Variants in ZRSR2 observed in about 807,000 individuals in gnomAD.
The protein encoded by ZRSR2 is zinc finger CCCH-type, RNA binding motif and serine/arginine rich 2.
Under a neutral mutation model 39.4 loss-of-function variants are expected in ZRSR2, and 3 were observed. That is an observed-to-expected ratio of 0.08 (90% CI 0.03 to 0.20). The LOEUF is 0.20. ZRSR2 is among the 10% of genes least tolerant of loss of function. The probability of loss-of-function intolerance (pLI) is 1.00; values close to 1 mark genes in which losing one functional copy is unlikely to be tolerated. For missense variants in ZRSR2, 256 were observed against 391.5 expected, an observed-to-expected ratio of 0.65 and a Z score of 2.92; for synonymous variants, 137 against 136.0, an observed-to-expected ratio of 1.01 and a Z score of -0.05.
At chrX:15,804,674 A>G (rs745500481) in intron 5 of ZRSR2, among the ~76,000 whole-genome samples, 1 of 112,345 alleles carries the variant, frequency 8.9e-6, no homozygotes, top group African/African-American at 3.2e-5. Flanking sequence ...TCTTTAGAGA[A>G]TAATACTTTG....
intron 7 of ZRSR2, 31 bp downstream of exon 7, chrX:15,809,349 G>GA: frequency 9.6e-7 from 1 of 1,045,853 alleles, no homozygotes; most frequent in Non-Finnish European, 1.3e-6. Flanking sequence ...ATGTCAGAAT[G>GA]AAGTGATTCA....
At position 15,790,976 on chromosome X, in the gene ZRSR2, G is replaced by A. The variant is rs776097997; in HGVS notation, c.84G>A (p.Lys28=). ...YRAALKKEKR[K]KRRQELARLR... is the part of the protein sequence containing the mutation. ...CCGCCCTGAAGAAGGAGAAACGAAA[G>A]AAACGTCGGCAGGAACTTGCTCGAC... Residue 28 remains lysine, a synonymous_variant, in exon 2 of 11, where the codon AAG becomes AAA. Coordinates refer to ENST00000307771, the MANE Select transcript of ZRSR2 (RefSeq NM_005089.4). 56 of 1,209,249 alleles carry A rather than the reference G, an allele frequency of 4.6e-5. No individual in the cohort carries two copies. The highest frequency in any genetic ancestry group is 2.3e-4 in the Middle Eastern group (1 of 4,373).
Position 15,823,107 on chromosome X carries a change from CAGCCGGAGCCGGAGCCGG to C in ZRSR2, c.1326_1343del (p.Ser443_Arg448del). Reference sequence around the variant, plus strand: ...GCAGGGACCGCAGCCGGGGCCGGGGCAGCCGGAGCCGGAGCCGGAGCCGGAGCCGCAGGAGCCGCCGCA... The same window carrying C: ...GCAGGGACCGCAGCCGGGGCCGGGGCAGCCGGAGCCGCAGGAGCCGCCGCA... On this transcript the variant is annotated inframe_deletion, in exon 11 of 11. Coordinates refer to ENST00000307771, the MANE Select transcript of ZRSR2 (RefSeq NM_005089.4). 2.5e-6 allele frequency: 3 copies of C among 1,205,873 alleles called. No homozygotes were observed. The highest frequency in any genetic ancestry group is 3.4e-6 in the Non-Finnish European group (3 of 892,464).
rs775131157 is a variant in ZRSR2 at position 15,815,785 on chromosome X, C to T, written c.666C>T (p.Asp222=). 13 of 1,211,047 alleles carry T rather than the reference C, an allele frequency of 1.1e-5. No homozygotes were observed. Among genetic ancestry groups the T allele is most frequent in the Admixed American group, 4.3e-5 (2 of 46,008 alleles). ...GCAGGAGGGATGACTATGACCCTGACGCAAGCCTGGAGTACAGCGAGGAAG... is the reference window on the plus strand; with the variant it reads ...GCAGGAGGGATGACTATGACCCTGATGCAAGCCTGGAGTACAGCGAGGAAG... ...EQCRRDDYDP[D]ASLEYSEEET... The change falls in exon 8 of 11, where the codon GAC becomes GAT. Residue 222 remains aspartate (D), a synonymous_variant. Transcript: ENST00000307771.
chrX:15,820,380 T>TG, intron 10 of ZRSR2, 64 bp downstream of exon 10: 1 of 1,039,944 alleles, frequency 9.6e-7, no homozygotes, highest in Non-Finnish European at 1.3e-6. Flanking sequence ...GGATATTCTT[T>TG]GGGGGAAACC....
At chrX:15,821,912 C>T (rs2238919) in intron 10 of ZRSR2, among the ~76,000 whole-genome samples, 24,537 of 110,240 alleles carry the variant, frequency 0.22, 2,036 homozygotes, top group East Asian at 0.37. Flanking sequence ...ATTAAAAGCA[C>T]TTAGTGAATT....
intron 2 of ZRSR2, among the ~76,000 whole-genome samples, chrX:15,797,046 G>C (rs1008350345): frequency 1.8e-5 from 2 of 108,554 alleles, no homozygotes; most frequent in Non-Finnish European, 3.8e-5. Context: ...CGTCCACCTC[G>C]GCCTCCGAAA....
intron 9 of ZRSR2, among the ~76,000 whole-genome samples, chrX:15,819,016 C>A (rs1315535418): frequency 9.1e-6 from 1 of 109,883 alleles, no homozygotes; most frequent in Non-Finnish European, 1.9e-5. Context: ...AGGTGATCCA[C>A]CCACCTCGGC....
In ZRSR2 at chrX:15,811,908, C is replaced by CT. The variant is rs202177259; in HGVS notation, c.557+2598dup. 3.2e-3 allele frequency among the ~76,000 whole-genome samples: 356 copies of CT among 111,595 alleles called. 1 individual carries two copies. The highest frequency in any genetic ancestry group is 0.011 in the African/African-American group (341 of 30,794). On this transcript the variant is annotated intron_variant, in intron 7 of 10. Transcript: ENST00000307771. ...TGGTCAAATTAGTTTGCGAGCATTT[C>CT]TTTTTTTTATTTTATTTTATTTTAT... is the stretch of plus-strand genomic sequence containing the variant.
chrX:15,792,672 A>G (rs986678374), intron 2 of ZRSR2, among the ~76,000 whole-genome samples: 2 of 112,087 alleles, frequency 1.8e-5, no homozygotes, highest in Non-Finnish European at 3.8e-5. Context: ...TGACCTTCAC[A>G]TGGCAAAACC....
intron 8 of ZRSR2, 100 bp downstream of exon 8, chrX:15,815,990 T>C (rs1424918884): frequency 7.8e-6 from 5 of 642,297 alleles, no homozygotes; most frequent in Non-Finnish European, 9.2e-6. Context: ...TCAGGCACGC[T>C]AGCACTCTAT....
rs1169615942 is a variant in ZRSR2, at chrX:15,812,807, T to C, written c.558-2870T>C. ...CTCCAGGTTTTTATTTCTCCATATT[T>C]GAATTCATCTCAAGCAGATAGTAAG... On this transcript the variant is annotated intron_variant, in intron 7 of 10. Coordinates refer to ENST00000307771, the MANE Select transcript of ZRSR2 (RefSeq NM_005089.4). Among the ~76,000 whole-genome samples the C allele has an allele frequency of 6.3e-5, 7 of 111,584 alleles. No homozygotes were observed. In the East Asian group the frequency reaches 1.7e-3, roughly 27 times the overall value.
intron 5 of ZRSR2, among the ~76,000 whole-genome samples, chrX:15,805,014 A>G (rs1346678039): frequency 8.9e-6 from 1 of 111,985 alleles, no homozygotes; most frequent in African/African-American, 3.2e-5. Context: ...ATCACAGCTC[A>G]TCTTCCCTTG....
intron 2 of ZRSR2, among the ~76,000 whole-genome samples, chrX:15,792,317 G>A (rs1021071052): frequency 1.8e-5 from 2 of 112,028 alleles, no homozygotes; most frequent in African/African-American, 6.5e-5. Context: ...AGCTACTCAG[G>A]AGGCTGAGGC....
At chrX:15,796,767 T>A (rs1424687760) in intron 2 of ZRSR2, among the ~76,000 whole-genome samples, 1 of 102,502 alleles carries the variant, frequency 9.8e-6, no homozygotes, top group African/African-American at 3.5e-5. Context: ...AAGTCAGAGA[T>A]CATTTTGTTT....
chrX:15,796,242 G>A (rs769526864), intron 2 of ZRSR2, among the ~76,000 whole-genome samples: 6 of 111,792 alleles, frequency 5.4e-5, no homozygotes, highest in African/African-American at 1.9e-4. Context: ...ATCGCTAGTC[G>A]CACTTTGTGT....
In ZRSR2 at chrX:15,803,782, CAAG is replaced by C. The variant is rs760370515; in HGVS notation, c.304_306del (p.Glu102del). ...AAAGGAAGAGGCGGCTAAAAAACGG[CAAG>C]AAGAACAAGAGGTATGGTAGGAATC... is the stretch of plus-strand genomic sequence containing the variant. On this transcript the variant is annotated inframe_deletion, in exon 4 of 11. Coordinates refer to ENST00000307771, the MANE Select transcript of ZRSR2 (RefSeq NM_005089.4). 20 of 1,187,059 alleles carry C rather than the reference CAAG, an allele frequency of 1.7e-5. No homozygotes were observed. The Admixed American group carries it at 3.3e-4, about 20-fold the overall frequency.
intron 8 of ZRSR2, among the ~76,000 whole-genome samples, chrX:15,816,538 C>G (rs775186113): frequency 9.8e-5 from 11 of 111,970 alleles, no homozygotes; most frequent in Non-Finnish European, 1.5e-4. Flanking sequence ...TCAGATGACA[C>G]ATAATTATTT....
At chrX:15,799,108 C>A (rs1295226877) in intron 2 of ZRSR2, among the ~76,000 whole-genome samples, 3 of 107,817 alleles carry the variant, frequency 2.8e-5, no homozygotes, top group Non-Finnish European at 5.8e-5. Context: ...ATCGCTTGAA[C>A]CCAGGAGGCG....
Sources: allele counts gnomAD v4.1 joint callset (sites outside exome capture counted in the v4.1 genomes callset), GRCh38; gene constraint gnomAD v4.1.1; transcripts MANE v1.5; gene names NCBI Gene and HGNC (gene_info 2026-07-23, HGNC 2026-07-21).